PYHIN1: variants seen among roughly 807,000 people sequenced by gnomAD.
PYHIN1 encodes pyrin and HIN domain-containing protein 1.
A neutral mutation model predicts 43.7 loss-of-function variants in PYHIN1; 32 were observed. That is an observed-to-expected ratio of 0.73 (90% CI 0.55 to 0.98). The LOEUF (loss-of-function observed/expected upper bound fraction) is 0.98. PYHIN1 is among the 50% of genes least tolerant of loss of function. PYHIN1 has a pLI of 0.00. For synonymous variants in PYHIN1, 205 were observed against 203.1 expected (o/e 1.01, Z -0.08); for missense variants, 588 against 589.5 (o/e 1.00, Z 0.03).
At chr1:158,941,417 G>A (rs1214219615) in intron 4 of PYHIN1, among the ~76,000 whole-genome samples, 1 of 152,146 alleles carries the variant, frequency 6.6e-6, no homozygotes, top group Non-Finnish European at 1.5e-5. Context: ...CTACTGAGAT[G>A]AGGGCATTCT....
intron 7 of PYHIN1, among the ~76,000 whole-genome samples, chr1:158,945,737 A>G (rs1398546710): frequency 1.3e-5 from 2 of 152,230 alleles, no homozygotes; most frequent in African/African-American, 4.8e-5. Flanking sequence ...AGCACATGAT[A>G]TATTTGTAGA....
Position 158,976,691 on chromosome 1 carries a change from A to G in PYHIN1, c.*6-10A>G. 2 of 1,586,500 alleles carry G rather than the reference A, an allele frequency of 1.3e-6. No individual in the cohort carries two copies. On this transcript the variant is annotated splice_polypyrimidine_tract_variant and intron_variant, in intron 8 of 8. Coordinates refer to ENST00000368140, the MANE Select transcript of PYHIN1 (RefSeq NM_152501.5). ...TCAACGGGTTTATTTTTATCTCTTT[A>G]TGCTTCAAGGTCACCAAGGACAAGG... is the stretch of plus-strand genomic sequence containing the variant.
rs1288262936 is a variant in PYHIN1 at position 158,939,461 on chromosome 1, T to C, written c.579+214T>C. 1.9e-6 allele frequency: 3 copies of C among 1,551,414 alleles called. No individual in the cohort carries two copies. In the African/African-American group the frequency reaches 4.1e-5, roughly 21 times the overall value. On this transcript the variant is annotated intron_variant, in intron 4 of 8. Coordinates refer to ENST00000368140, the MANE Select transcript of PYHIN1 (RefSeq NM_152501.5). ...GCAGGAAGTTTTCTGTCCTGTGCTG[T>C]TTGGGGAAGAGACAGAGAACTGCGG...
At chr1:158,953,621 C>G (rs1276868792) in intron 7 of PYHIN1, among the ~76,000 whole-genome samples, 1 of 151,880 alleles carries the variant, frequency 6.6e-6, no homozygotes, top group Non-Finnish European at 1.5e-5. Flanking sequence ...CATCAAAGAC[C>G]AAAAGTAGAT....
At chr1:158,964,971 G>A (rs1650545801) in intron 7 of PYHIN1, among the ~76,000 whole-genome samples, 1 of 151,824 alleles carries the variant, frequency 6.6e-6, no homozygotes, top group African/African-American at 2.4e-5. Context: ...AGACCCAATG[G>A]TATACTGTCC....
At chr1:158,952,921 G>T (rs754325108) in intron 7 of PYHIN1, among the ~76,000 whole-genome samples, 2 of 152,218 alleles carry the variant, frequency 1.3e-5, no homozygotes, top group Admixed American at 1.3e-4. Flanking sequence ...CCGAAGTAGG[G>T]TGAGGCATTG....
chr1:158,976,732 T>C lies in PYHIN1; in HGVS notation c.*37T>C, dbSNP rs748344193. The C allele has an allele frequency of 6.9e-6, 11 of 1,603,244 alleles. No individual in the cohort carries two copies. The highest frequency in any genetic ancestry group is 9.4e-6 in the Non-Finnish European group (11 of 1,174,110). On this transcript the variant is annotated 3_prime_UTR_variant, in exon 9 of 9. Coordinates refer to ENST00000368140, the MANE Select transcript of PYHIN1 (RefSeq NM_152501.5). ...AAGGACAAGGATATCAAATAACTAC[T>C]GTTCAATCTTTACTCAAGTGTGGAA...
Position 158,938,561 on chromosome 1 carries a change from A to G in PYHIN1, c.411+19A>G, listed in dbSNP as rs199928433. 4.3e-6 allele frequency: 7 copies of G among 1,613,162 alleles called. No homozygotes were observed. The Admixed American group carries it at 1.2e-4, about 27-fold the overall frequency. On this transcript the variant is annotated intron_variant, in intron 3 of 8. Transcript: ENST00000368140. ...ACCTCAGGTAAGCTTCAGGAAGAGG[A>G]GCAGGCTTCAAGTCTCACAGTGGAA... is the stretch of plus-strand genomic sequence containing the variant.
At chr1:158,988,114 GACTTATAGCCTCCAGA>G in the PYHIN1 span, among the ~76,000 whole-genome samples, 1 of 152,160 alleles carries the variant, frequency 6.6e-6, no homozygotes, top group African/African-American at 2.4e-5. Context: ...CTTGATCTTG[GACTTATAGCCTCCAGA>G]ACTGTGAAAC....
At chr1:158,938,290 A>T in intron 2 of PYHIN1, 107 bp from the exon 3 acceptor site, 1 of 1,217,894 alleles carries the variant, frequency 8.2e-7, no homozygotes, top group Non-Finnish European at 1.2e-6. Context: ...AGACTAAAAT[A>T]CACCTGAACC....
rs1263759655 is a variant in PYHIN1, at chr1:158,938,378, T to C, written c.266-19T>C. ...ATCATCTGCTCTGGGTTTATACATC[T>C]TCCTTTTTTCTGCATTAGTTGCAAA... On this transcript the variant is annotated intron_variant, in intron 2 of 8. Coordinates refer to ENST00000368140, the MANE Select transcript of PYHIN1 (RefSeq NM_152501.5). 1.2e-6 allele frequency: 2 copies of C among 1,613,830 alleles called. No individual in the cohort carries two copies. The highest frequency in any genetic ancestry group is 1.7e-6 in the Non-Finnish European group (2 of 1,179,860).
At chr1:158,948,356 G>A (rs1234703426) in intron 7 of PYHIN1, among the ~76,000 whole-genome samples, 2 of 152,266 alleles carry the variant, frequency 1.3e-5, no homozygotes, top group East Asian at 3.9e-4. Flanking sequence ...GTTGCTTTAT[G>A]TCTGCTGCCA....
chr1:158,958,654 G>C (rs931425751), intron 7 of PYHIN1, among the ~76,000 whole-genome samples: 17 of 150,342 alleles, frequency 1.1e-4, no homozygotes, highest in African/African-American at 3.4e-4. Flanking sequence ...ATACCTAATG[G>C]TAGATGACGA....
downstream of PYHIN1, among the ~76,000 whole-genome samples, chr1:158,978,548 G>T (rs1651374798): frequency 6.6e-6 from 1 of 151,986 alleles, no homozygotes; most frequent in South Asian, 2.1e-4. Context: ...AATGATATTG[G>T]TATTCTGAGC....
downstream of PYHIN1, among the ~76,000 whole-genome samples, chr1:158,979,890 G>A (rs145300113): frequency 1.1e-3 from 173 of 152,112 alleles, 2 homozygotes; most frequent in South Asian, 0.034. Flanking sequence ...TCCCACCCTC[G>A]ACCTTTAAGT....
intron 8 of PYHIN1, 127 bp downstream of exon 8, chr1:158,973,898 T>C: frequency 9.0e-7 from 1 of 1,105,882 alleles, no homozygotes; most frequent in Non-Finnish European, 1.3e-6. Flanking sequence ...CATTTCTCAT[T>C]CATTTATCAA....
downstream of PYHIN1, among the ~76,000 whole-genome samples, chr1:158,979,956 C>A (rs1651433457): frequency 6.6e-6 from 1 of 152,132 alleles, no homozygotes; most frequent in East Asian, 1.9e-4. Flanking sequence ...CAATGTTTAG[C>A]TCCTACTTAT....
the PYHIN1 span, among the ~76,000 whole-genome samples, chr1:158,990,248 G>A: frequency 6.9e-4 from 105 of 151,710 alleles, no homozygotes; most frequent in African/African-American, 2.4e-3. Context: ...TTAATAGAAA[G>A]AAGAATGATT....
At chr1:158,959,451 A>G (rs1650197069) in intron 7 of PYHIN1, among the ~76,000 whole-genome samples, 1 of 152,248 alleles carries the variant, frequency 6.6e-6, no homozygotes, top group African/African-American at 2.4e-5. Flanking sequence ...AGACCACATT[A>G]GTAAACAAGC....
Sources: allele counts gnomAD v4.1 joint callset (sites outside exome capture counted in the v4.1 genomes callset), GRCh38; gene constraint gnomAD v4.1.1; transcripts MANE v1.5; gene names NCBI Gene and HGNC (gene_info 2026-07-23, HGNC 2026-07-21).